PTP4A1: variants seen among roughly 807,000 people sequenced by gnomAD.
PTP4A1 encodes the protein protein tyrosine phosphatase 4A1, also known as protein tyrosine phosphatase type IVA 1.
In PTP4A1, 9 loss-of-function variants were observed where a neutral mutation model predicts 20.5. The observed-to-expected ratio is 0.44, with a 90% confidence interval of 0.26 to 0.77. The LOEUF (loss-of-function observed/expected upper bound fraction) is 0.77, where lower values mean the gene tolerates loss of function less well. Ranked by LOEUF, PTP4A1 falls within the 30% of genes least tolerant of loss-of-function variation. The pLI, the probability that PTP4A1 is intolerant of heterozygous loss-of-function variation, is 0.19. For missense variants in PTP4A1, 137 were observed against 218.8 expected (o/e 0.63, Z 2.36); for synonymous variants, 78 against 67.4 (o/e 1.16, Z -0.77).
rs1778143786 is a variant in PTP4A1, at chr6:63,580,263, C to CT, written c.*90dup. 9.3e-7 allele frequency: 1 copy of CT among 1,074,212 alleles called. No homozygotes were observed. Among genetic ancestry groups the CT allele is most frequent in the Admixed American group, 1.8e-5 (1 of 54,342 alleles). 66.5% of individuals were successfully genotyped at this position (1,074,212 alleles called of 1,614,324 possible). On this transcript the variant is annotated 3_prime_UTR_variant, in exon 6 of 6. Transcript: ENST00000626021. ...TAGCCAACATGTTGGCTTAGTAAGT[C>CT]TAATGAAGCTTCCATAGGAGTATTG... is the stretch of plus-strand genomic sequence containing the variant.
intron 2 of PTP4A1, among the ~76,000 whole-genome samples, chr6:63,540,199 T>G (rs1775897799): frequency 6.6e-6 from 1 of 152,150 alleles, no homozygotes; most frequent in African/African-American, 2.4e-5. Context: ...CAAAATGTGG[T>G]AGATGCACTT....
chr6:63,536,647 G>A (rs1044457736), intron 2 of PTP4A1, among the ~76,000 whole-genome samples: 6 of 151,978 alleles, frequency 3.9e-5, no homozygotes, highest in African/African-American at 9.7e-5. Context: ...TGTCAGTCGC[G>A]ATAACTGTGT....
chr6:63,549,201 C>A, intron 2 of PTP4A1: 1 of 705,888 alleles, frequency 1.4e-6, no homozygotes, highest in Non-Finnish European at 2.6e-6. Context: ...AGTCTCTGAT[C>A]TGTACTTGTG....
chr6:63,520,640 A>G (rs532702890), upstream of PTP4A1, among the ~76,000 whole-genome samples: 1 of 149,596 alleles, frequency 6.7e-6, no homozygotes, highest in Non-Finnish European at 1.5e-5. Context: ...CAAATAAATA[A>G]ATAAATAAAT....
rs751704599 is a variant in PTP4A1, at chr6:63,581,677, A to G, written c.*1503A>G. 2.0e-5 allele frequency: 3 copies of G among 152,152 alleles called. No homozygotes were observed. The highest frequency in any genetic ancestry group is 4.4e-5 in the Non-Finnish European group (3 of 67,994). The allele number at this position is 152,152 out of a possible 1,614,324, so 9.4% of individuals were successfully genotyped here. ...CTTTTTAAAGGTCTAGATAATTTTG[A>G]ACCAATTTATTATTGTGTACTGAGG... On this transcript the variant is annotated 3_prime_UTR_variant, in exon 6 of 6. Transcript: ENST00000626021.
intron 3 of PTP4A1, among the ~76,000 whole-genome samples, chr6:63,564,771 G>C (rs925916698): frequency 6.6e-6 from 1 of 152,106 alleles, no homozygotes; most frequent in Admixed American, 6.5e-5. Flanking sequence ...TGGCCTTCCT[G>C]ATTTTCAATT....
At chr6:63,554,571 G>C (rs547690936) in intron 3 of PTP4A1, among the ~76,000 whole-genome samples, 2 of 152,300 alleles carry the variant, frequency 1.3e-5, no homozygotes, top group East Asian at 3.9e-4. Context: ...GCCAAGGTGG[G>C]TAGATCACTT....
chr6:63,576,185 GT>G lies in PTP4A1; in HGVS notation c.-445-242del, dbSNP rs555512305. ...TCACAAAAATGTAACAATGGGTTTGGTTTTTTTTTCTGAGGAATCTTGGTAA... is the reference window on the plus strand; with the variant it reads ...TCACAAAAATGTAACAATGGGTTTGGTTTTTTTTCTGAGGAATCTTGGTAA... On this transcript the variant is annotated intron_variant, in intron 1 of 5. Transcript: ENST00000626021. Among the ~76,000 whole-genome samples the G allele has an allele frequency of 4.7e-5, 7 of 149,248 alleles. 1 individual carries two copies. In the South Asian group the frequency reaches 1.1e-3, roughly 22 times the overall value.
chr6:63,534,285 G>T (rs1775604279), intron 2 of PTP4A1, among the ~76,000 whole-genome samples: 5 of 152,154 alleles, frequency 3.3e-5, no homozygotes, highest in Admixed American at 3.3e-4. Flanking sequence ...AAAGCAATAT[G>T]TTTTTCTACT....
intron 2 of PTP4A1, among the ~76,000 whole-genome samples, chr6:63,528,996 A>G (rs1433719913): frequency 6.6e-6 from 1 of 151,436 alleles, no homozygotes; most frequent in East Asian, 1.9e-4. Context: ...GGCTGAGGCA[A>G]GAGAATCACT....
upstream of PTP4A1, among the ~76,000 whole-genome samples, chr6:63,569,531 T>C (rs1777329113): frequency 6.6e-6 from 1 of 152,252 alleles, no homozygotes; most frequent in South Asian, 2.1e-4. Flanking sequence ...CCCAAAGTAC[T>C]GGGATTACAG....
At chr6:63,525,602 G>A (rs1775126443) in intron 1 of PTP4A1, among the ~76,000 whole-genome samples, 1 of 152,182 alleles carries the variant, frequency 6.6e-6, no homozygotes, top group Non-Finnish European at 1.5e-5. Flanking sequence ...GCGTTCTGAA[G>A]CACCAGTGCC....
At chr6:63,560,028 G>A (rs1437239776) in intron 3 of PTP4A1, among the ~76,000 whole-genome samples, 4 of 152,134 alleles carry the variant, frequency 2.6e-5, no homozygotes, top group African/African-American at 9.7e-5. Flanking sequence ...AAAGACTAAG[G>A]AAGGTACCCC....
At chr6:63,555,798 A>G (rs1001747426) in intron 3 of PTP4A1, among the ~76,000 whole-genome samples, 1 of 149,970 alleles carries the variant, frequency 6.7e-6, no homozygotes, top group Non-Finnish European at 1.5e-5. Context: ...AGTTCAAGCG[A>G]TTCTCCTGCC....
chr6:63,548,314 T>A (rs1380557210), intron 2 of PTP4A1, among the ~76,000 whole-genome samples: 1 of 152,218 alleles, frequency 6.6e-6, no homozygotes, highest in African/African-American at 2.4e-5. Flanking sequence ...ATCTGCAATG[T>A]AAAGAAAATC....
At chr6:63,571,496 G>A (rs1438679397), upstream of PTP4A1, 1 of 152,106 alleles carries the variant, frequency 6.6e-6, no homozygotes, top group East Asian at 1.9e-4. Flanking sequence ...TACTTCTTAG[G>A]GGCTTAAATA....
intron 1 of PTP4A1, among the ~76,000 whole-genome samples, chr6:63,524,852 C>A (rs746234355): frequency 6.6e-6 from 1 of 152,012 alleles, no homozygotes; most frequent in South Asian, 2.1e-4. Flanking sequence ...TATGTGAATG[C>A]GAGATGTGGC....
chr6:63,528,484 G>A, intron 2 of PTP4A1, among the ~76,000 whole-genome samples: 1 of 152,034 alleles, frequency 6.6e-6, no homozygotes, highest in East Asian at 1.9e-4. Flanking sequence ...TAATACTTTG[G>A]GAGGCCAAGG....
Position 63,542,292 on chromosome 6 carries a change from T to C in PTP4A1, c.-639-8008T>C, listed in dbSNP as rs546032232. 2.6e-5 allele frequency among the ~76,000 whole-genome samples: 4 copies of C among 151,574 alleles called. No homozygotes were observed. The East Asian group carries it at 7.8e-4, about 29-fold the overall frequency. On this transcript the variant is annotated intron_variant, in intron 2 of 3. Coordinates refer to the PTP4A1 transcript ENST00000639568. ...TCAGGGGGAAAGGGTGGGAAGAGGG[T>C]GAGGGATGAAAGACTACAAATTGAG... is the stretch of plus-strand genomic sequence containing the variant.
Sources: gnomAD v4.1 joint callset for allele counts (sites outside exome capture counted in the v4.1 genomes callset) on GRCh38, gnomAD v4.1.1 for gene constraint, MANE v1.5 for transcripts, NCBI Gene and HGNC (gene_info 2026-07-23, HGNC 2026-07-21) for gene names.